The following TMEM71 variants were observed in gnomAD, a reference collection of about 807,000 sequenced individuals.
TMEM71 encodes the protein transmembrane protein 71.
A neutral mutation model predicts 38.0 loss-of-function variants in TMEM71; 44 were observed. The ratio of observed to expected loss-of-function variants is 1.16; its 90% confidence interval spans 0.91 to 1.49. The LOEUF (loss-of-function observed/expected upper bound fraction) is 1.49. TMEM71 is among the 40% of genes most tolerant of loss of function. The probability of loss-of-function intolerance (pLI) is 0.00; values close to 1 mark genes in which losing one functional copy is unlikely to be tolerated. For synonymous variants in TMEM71, 133 were observed against 122.5 expected (o/e 1.09, Z -0.56); for missense variants, 367 against 348.6 (o/e 1.05, Z -0.42).
intron 9 of TMEM71, among the ~76,000 whole-genome samples, chr8:132,712,284 G>T (rs1456784070): frequency 6.6e-6 from 1 of 152,074 alleles, no homozygotes; most frequent in Non-Finnish European, 1.5e-5. Flanking sequence ...ATCAAAGAAA[G>T]GATCTCCTTC....
At chr8:132,726,787 T>C (rs750637200) in intron 6 of TMEM71, among the ~76,000 whole-genome samples, 3 of 152,214 alleles carry the variant, frequency 2.0e-5, no homozygotes, top group Non-Finnish European at 4.4e-5. Context: ...TATTATCTTT[T>C]GACTTTTCCT....
At chr8:132,727,397 T>C (rs973251360) in intron 6 of TMEM71, among the ~76,000 whole-genome samples, 1 of 150,880 alleles carries the variant, frequency 6.6e-6, no homozygotes, top group Non-Finnish European at 1.5e-5. Context: ...GCTGGGACTA[T>C]AGGCACCCGC....
chr8:132,718,301 C>T (rs1826645380), intron 7 of TMEM71, among the ~76,000 whole-genome samples: 1 of 149,954 alleles, frequency 6.7e-6, no homozygotes, highest in Non-Finnish European at 1.5e-5. Flanking sequence ...TGTCATTTCA[C>T]ACAATAAATT....
chr8:132,756,406 ATATAT>A (rs1277016218), intron 3 of TMEM71, among the ~76,000 whole-genome samples: 9 of 81,466 alleles, frequency 1.1e-4, no homozygotes, highest in Non-Finnish European at 1.5e-4. Context: ...ACACTAACAT[ATATAT>A]TATATATATA....
At chr8:132,715,409 C>CAAAAAAAAAAAAAAAAAAAAAA (rs975995287) in intron 7 of TMEM71, among the ~76,000 whole-genome samples, 6 of 21,570 alleles carry the variant, frequency 2.8e-4, no homozygotes, top group Non-Finnish European at 4.3e-4. Context: ...GACTCCGTCT[C>CAAAAAAAAAAAAAAAAAAAAAA]AAAAAAAAAA....
chr8:132,763,383 G>T (rs866791827), upstream of TMEM71, among the ~76,000 whole-genome samples: 1 of 152,118 alleles, frequency 6.6e-6, no homozygotes, highest in African/African-American at 2.4e-5. Flanking sequence ...AATGTTTGTG[G>T]AATTAACAAA....
intron 7 of TMEM71, among the ~76,000 whole-genome samples, chr8:132,716,246 G>C (rs1018620616): frequency 6.6e-6 from 1 of 152,232 alleles, no homozygotes; most frequent in African/African-American, 2.4e-5. Context: ...TCGGAGCAAA[G>C]TTGTGGCTAG....
At chr8:132,732,265 G>C (rs975902652) in intron 5 of TMEM71, among the ~76,000 whole-genome samples, 1 of 152,166 alleles carries the variant, frequency 6.6e-6, no homozygotes. Context: ...CTTCACAGAG[G>C]AGGCAGCGCT....
the TMEM71 span, chr8:132,775,422 G>C: frequency 2.6e-6 from 1 of 385,396 alleles, no homozygotes; most frequent in South Asian, 1.3e-4. Context: ...CGGCGGCGGC[G>C]GCGATGGCAG....
intron 5 of TMEM71, among the ~76,000 whole-genome samples, chr8:132,739,741 A>T (rs1349553421): frequency 1.3e-5 from 2 of 152,212 alleles, no homozygotes; most frequent in African/African-American, 4.8e-5. Context: ...TTTAAACAAG[A>T]TAATGTATGT....
At position 132,753,531 on chromosome 8, in the gene TMEM71, C is replaced by T. The variant is rs117838875; in HGVS notation, c.102-1534G>A. On this transcript the variant is annotated intron_variant, in intron 3 of 9. Transcript: ENST00000677595. Reference sequence around the variant, plus strand: ...CTGCTTGTTCCATCTGCTGTATTTCCGACAAACATTGTCCCGTCTCTGCAT... The same window carrying T: ...CTGCTTGTTCCATCTGCTGTATTTCTGACAAACATTGTCCCGTCTCTGCAT... Among the ~76,000 whole-genome samples the T allele has an allele frequency of 9.3e-4, 142 of 152,160 alleles. No homozygotes were observed. In the East Asian group the frequency reaches 0.021, roughly 23 times the overall value.
Position 132,727,778 on chromosome 8 carries a change from T to A in TMEM71, c.676+20A>T. 1 of 1,561,298 alleles carries A rather than the reference T, an allele frequency of 6.4e-7. No individual in the cohort carries two copies. Among genetic ancestry groups the A allele is most frequent in the Non-Finnish European group, 8.7e-7 (1 of 1,155,500 alleles). On this transcript the variant is annotated intron_variant, in intron 6 of 9. Coordinates refer to ENST00000677595, the MANE Select transcript of TMEM71 (RefSeq NM_001382403.1). ...AAGAATTCTTTGGGTGTGGCAAATA[T>A]TTAAAACACCTGAACTCACCTGAAT...
intron 5 of TMEM71, among the ~76,000 whole-genome samples, chr8:132,740,864 C>T (rs1827996898): frequency 6.6e-6 from 1 of 152,178 alleles, no homozygotes; most frequent in Admixed American, 6.5e-5. Flanking sequence ...GTATTTTATT[C>T]TGCACTGAGC....
At chr8:132,751,167 C>T (rs1052837230) in intron 4 of TMEM71, among the ~76,000 whole-genome samples, 1 of 152,140 alleles carries the variant, frequency 6.6e-6, no homozygotes, top group African/African-American at 2.4e-5. Flanking sequence ...AAATTTAACC[C>T]CTTTCATCCA....
chr8:132,749,292 G>A (rs957926788), intron 4 of TMEM71, among the ~76,000 whole-genome samples: 2 of 152,198 alleles, frequency 1.3e-5, no homozygotes, highest in Non-Finnish European at 2.9e-5. Flanking sequence ...GAAGAAAATA[G>A]CTATGGGAAG....
downstream of TMEM71, among the ~76,000 whole-genome samples, chr8:132,708,087 G>T (rs1225972391): frequency 6.6e-6 from 1 of 152,136 alleles, no homozygotes; most frequent in African/African-American, 2.4e-5. Context: ...AATTCCCAAG[G>T]AGTGCATTCC....
chr8:132,747,786 C>T (rs778565396), intron 4 of TMEM71, among the ~76,000 whole-genome samples: 5 of 152,058 alleles, frequency 3.3e-5, no homozygotes, highest in Non-Finnish European at 5.9e-5. Flanking sequence ...TTAGGTCATG[C>T]CAAGAAATGA....
intron 6 of TMEM71, among the ~76,000 whole-genome samples, chr8:132,722,502 A>G (rs987360084): frequency 2.0e-5 from 3 of 152,256 alleles, no homozygotes; most frequent in Non-Finnish European, 4.4e-5. Context: ...ATTCACAAAG[A>G]GCTTGTATAC....
chr8:132,729,172 C>T (rs1827316777), intron 5 of TMEM71, among the ~76,000 whole-genome samples: 2 of 152,160 alleles, frequency 1.3e-5, no homozygotes. Flanking sequence ...TGTGAGGTCA[C>T]CAAGGAATGA....
Sources: allele counts gnomAD v4.1 joint callset (sites outside exome capture counted in the v4.1 genomes callset), GRCh38; gene constraint gnomAD v4.1.1; transcripts MANE v1.5; gene names NCBI Gene and HGNC (gene_info 2026-07-23, HGNC 2026-07-21).